The following DBP variants were observed in gnomAD, a reference collection of about 807,000 sequenced individuals.
DBP encodes D site-binding protein.
DBP carries 12 observed loss-of-function variants against 21.4 expected under a neutral mutation model. The ratio of observed to expected loss-of-function variants is 0.56; its 90% confidence interval spans 0.36 to 0.91. The LOEUF (loss-of-function observed/expected upper bound fraction) is 0.91. Among genes scored for constraint, DBP ranks in the 40% least tolerant of loss-of-function variants. DBP has a pLI of 0.01. For missense variants in DBP, 423 were observed against 473.4 expected, an observed-to-expected ratio of 0.89 and a Z score of 0.99; for synonymous variants, 213 against 224.9, an observed-to-expected ratio of 0.95 and a Z score of 0.47.
Position 48,633,634 on chromosome 19 carries a change from G to A in DBP, c.572C>T (p.Pro191Leu), listed in dbSNP as rs1191216783. The A allele has an allele frequency of 6.2e-7, 1 of 1,614,062 alleles. No homozygotes were observed. ...CACGGTGTCTGGGTCCACAGGGCTG[G>A]GTGTGTCCCGAGAGGTCAGGCCTTG... Reference protein sequence around the residue: ...HRAGLTSRDTPSPVDPDTVEV... With the variant: ...HRAGLTSRDTLSPVDPDTVEV... The change falls in exon 3 of 4, where the codon CCC (proline) becomes CTC (leucine). Residue 191 changes from proline (P) to leucine (L), a missense_variant. Physicochemically the swap from Pro to Leu is moderately conservative, Grantham distance 98. This residue lies in a region of DBP where 77 missense variants were observed against 97.1 expected (regional missense o/e 0.79). Coordinates refer to ENST00000222122, the MANE Select transcript of DBP (RefSeq NM_001352.5).
intron 2 of DBP, chr19:48,635,288 A>G: frequency 8.2e-7 from 1 of 1,225,694 alleles, no homozygotes; most frequent in Non-Finnish European, 1.0e-6. Flanking sequence ...TTCTGGCTTC[A>G]CGAGTATCCA....
In DBP at chr19:48,633,556, A is replaced by G. The variant is rs370326318; in HGVS notation, c.650T>C (p.Ile217Thr). ...AGGGTCAAAGGTCTCGTGGCCAGGA[A>G]TGCTTGATAGGGCAAGATCAGCTGG... is the stretch of plus-strand genomic sequence containing the variant. ...PDPADLALSS[I>T]PGHETFDPRR... The change falls in exon 3 of 4, where the codon ATT becomes ACT. Residue 217 changes from isoleucine (I) to threonine (T), a missense_variant. Around this residue, in one of 4 missense-constraint regions of DBP, gnomAD observed 77 missense variants for 97.1 expected, o/e 0.79. Coordinates refer to ENST00000222122, the MANE Select transcript of DBP (RefSeq NM_001352.5). The G allele has an allele frequency of 6.2e-7, 1 of 1,614,160 alleles. No homozygotes were observed. Among genetic ancestry groups the G allele is most frequent in the Non-Finnish European group, 8.5e-7 (1 of 1,180,028 alleles).
At chr19:48,634,600 C>G (rs899065706) in intron 2 of DBP, 4 of 758,998 alleles carry the variant, frequency 5.3e-6, no homozygotes, top group Admixed American at 6.3e-5. Flanking sequence ...CCCTTCCTCC[C>G]AGGCCCCCGC....
Position 48,635,898 on chromosome 19 carries a change from C to G in DBP, c.232G>C (p.Ala78Pro), listed in dbSNP as rs1193204406. Residue 78 changes from alanine (A) to proline (P), a missense_variant, in exon 2 of 4, where the codon GCT becomes CCT. By Grantham distance (27) the Ala-to-Pro change is conservative (BLOSUM62 -1). This residue lies in a region of DBP where 283 missense variants were observed against 273.7 expected (regional missense o/e 1.03). Transcript: ENST00000222122. The part of the protein sequence containing the change: ...LETAGPADAP[A>P]GAVVGGGSPR... ...GACCCTCCGCCCACCACTGCCCCAGCCGGGGCATCCGCCGGGCCCGCAGTC... is the reference window on the plus strand; with the variant it reads ...GACCCTCCGCCCACCACTGCCCCAGGCGGGGCATCCGCCGGGCCCGCAGTC... 2.1e-6 allele frequency: 3 copies of G among 1,420,938 alleles called. No homozygotes were observed. In the Admixed American group the frequency reaches 9.8e-5, roughly 47 times the overall value. 88.0% of individuals were successfully genotyped at this position (1,420,938 alleles called of 1,614,324 possible).
chr19:48,633,205 C>G, intron 3 of DBP: 2 of 611,168 alleles, frequency 3.3e-6, no homozygotes, highest in South Asian at 3.9e-5. Context: ...CCTCAGCCCC[C>G]TAAAATGCTG....
At position 48,630,671 on chromosome 19, in the gene DBP, G is replaced by A. The variant is rs551220086; in HGVS notation, c.*166C>T. On this transcript the variant is annotated 3_prime_UTR_variant, in exon 4 of 4. Transcript: ENST00000222122. The surrounding 1 kb of genome is among the most constrained non-coding windows in gnomAD (Gnocchi z 4.9). ...GAACCCTCCCCGCCCCCGCAAGGGA[G>A]GGGGGAGGCTCGCTTTTTCTTAAAA... is the stretch of plus-strand genomic sequence containing the variant. 107 of 1,438,584 alleles carry A rather than the reference G, an allele frequency of 7.4e-5. No homozygotes were observed. Among genetic ancestry groups the A allele is most frequent in the Non-Finnish European group, 9.6e-5 (105 of 1,090,824 alleles). 89.1% of individuals were successfully genotyped at this position (1,438,584 alleles called of 1,614,324 possible).
In DBP at chr19:48,636,853, C is replaced by T. The variant is rs2030825392; in HGVS notation, c.139+3G>A. The stretch of plus-strand genomic sequence containing the variant: ...AGTGGGTGAGATGGGGGTTAGAACT[C>T]ACAGCTGGCCGGCTCTTTGGGCTTG... On this transcript the variant is annotated splice_donor_region_variant and intron_variant, in intron 1 of 3. Transcript: ENST00000222122. 1 of 1,610,932 alleles carries T rather than the reference C, an allele frequency of 6.2e-7. No individual in the cohort carries two copies. Among genetic ancestry groups the T allele is most frequent in the Non-Finnish European group, 8.5e-7 (1 of 1,178,956 alleles).
chr19:48,633,850 C>T (rs938978208), intron 2 of DBP, 195 bp from the exon 3 acceptor site: 1 of 594,678 alleles, frequency 1.7e-6, no homozygotes, highest in African/African-American at 1.9e-5. Context: ...CCTGTAACCC[C>T]AGCAGTTTGG....
chr19:48,635,266 C>G, intron 2 of DBP: 1 of 1,195,476 alleles, frequency 8.4e-7, no homozygotes, highest in Non-Finnish European at 1.0e-6. Context: ...CTCTGGTGTT[C>G]CGGACTTCCA....
In DBP at chr19:48,635,835, G is replaced by A; in HGVS notation, c.295C>T (p.Leu99=). 7.1e-7 allele frequency: 1 copy of A among 1,414,762 alleles called. No individual in the cohort carries two copies. The highest frequency in any genetic ancestry group is 9.1e-7 in the Non-Finnish European group (1 of 1,094,658). 87.6% of individuals were successfully genotyped at this position (1,414,762 alleles called of 1,614,324 possible). The part of the protein sequence containing the change: ...GRPGPVPAPG[L]LAPLLWERTL... ...CGCTCCCACAGCAGTGGCGCCAACA[G>A]ACCCGGGGCGGGCACCGGCCCCGGG... The change falls in exon 2 of 4, where the codon CTG becomes TTG. Residue 99 remains leucine, a synonymous_variant. Coordinates refer to ENST00000222122, the MANE Select transcript of DBP (RefSeq NM_001352.5).
chr19:48,633,678 G>C (rs2030680454), intron 2 of DBP, 23 bp from the exon 3 acceptor site: 1 of 1,602,000 alleles, frequency 6.2e-7, no homozygotes, highest in Non-Finnish European at 8.5e-7. Flanking sequence ...GCACGTGTCA[G>C]CTGAGTGTGT....
intron 3 of DBP, chr19:48,631,898 G>T (rs2030603577): frequency 6.6e-6 from 1 of 152,152 alleles, no homozygotes; most frequent in African/African-American, 2.4e-5. Context: ...AACCACTGGT[G>T]TAGATCTGAC....
intron 2 of DBP, 34 bp downstream of exon 2, chr19:48,635,546 C>A (rs1241591675): frequency 7.0e-7 from 1 of 1,438,342 alleles, no homozygotes; most frequent in Non-Finnish European, 9.1e-7. Flanking sequence ...CAAGCCCCGC[C>A]CCGTCAGGAC....
At chr19:48,636,767 G>T in intron 1 of DBP, 89 bp downstream of exon 1, 19 of 1,455,514 alleles carry the variant, frequency 1.3e-5, no homozygotes, top group East Asian at 2.4e-5. Flanking sequence ...CTCCCCGCAC[G>T]CAGGTTTCTA....
Position 48,636,844 on chromosome 19 carries a change from G to C in DBP, c.139+12C>G. ...GGTGTCCGAAGTGGGTGAGATGGGG[G>C]TTAGAACTCACAGCTGGCCGGCTCT... On this transcript the variant is annotated intron_variant, in intron 1 of 3. Coordinates refer to ENST00000222122, the MANE Select transcript of DBP (RefSeq NM_001352.5). 6.2e-7 allele frequency: 1 copy of C among 1,610,948 alleles called. No individual in the cohort carries two copies. The highest frequency in any genetic ancestry group is 8.5e-7 in the Non-Finnish European group (1 of 1,178,954).
In DBP at chr19:48,636,931, G is replaced by A; in HGVS notation, c.64C>T (p.Pro22Ser). 1 of 1,587,268 alleles carries A rather than the reference G, an allele frequency of 6.3e-7. No individual in the cohort carries two copies. The highest frequency in any genetic ancestry group is 8.6e-7 in the Non-Finnish European group (1 of 1,167,964). Residue 22 changes from proline (P) to serine (S), a missense_variant, in exon 1 of 4, where the codon CCC becomes TCC. Around this residue, in one of 4 missense-constraint regions of DBP, gnomAD observed 283 missense variants for 273.7 expected, o/e 1.03. Coordinates refer to ENST00000222122, the MANE Select transcript of DBP (RefSeq NM_001352.5). ...CCAAGCAGCGCTCCCCCGCCAGGGG[G>A]TGTCCCGGCCGGGCCGCCCAGCAGC... ...PLLLGGPAGT[P>S]PGGGALLGLR...
intron 3 of DBP, 85 bp downstream of exon 3, chr19:48,633,359 C>T (rs2030665536): frequency 7.2e-7 from 1 of 1,394,554 alleles, no homozygotes. Flanking sequence ...AGGAGAAGCC[C>T]AGGCTTGACT....
intron 1 of DBP, among the ~76,000 whole-genome samples, chr19:48,636,460 C>T (rs2030802784): frequency 6.6e-6 from 1 of 152,044 alleles, no homozygotes; most frequent in Non-Finnish European, 1.5e-5. Flanking sequence ...GGGCACATCC[C>T]TCATCCCTAG....
chr19:48,635,190 A>G, intron 2 of DBP: 3 of 1,076,026 alleles, frequency 2.8e-6, no homozygotes, highest in Non-Finnish European at 3.4e-6. Flanking sequence ...TAGGGGCTCC[A>G]GTCCTATCCC....
Sources: allele counts gnomAD v4.1 joint callset (sites outside exome capture counted in the v4.1 genomes callset), GRCh38; gene constraint gnomAD v4.1.1; regional missense constraint gnomAD v4.1.1; non-coding constraint Gnocchi (gnomAD v3.1); transcripts MANE v1.5; gene names NCBI Gene and HGNC (gene_info 2026-07-23, HGNC 2026-07-21).